The following VGF variants were observed in gnomAD, a reference collection of about 807,000 sequenced individuals.
VGF encodes the protein neurosecretory protein VGF.
Under a neutral mutation model 41.1 loss-of-function variants are expected in VGF, and 13 were observed. The ratio of observed to expected loss-of-function variants is 0.32; its 90% confidence interval spans 0.21 to 0.50. The LOEUF is 0.50. Among genes scored for constraint, VGF ranks in the 20% least tolerant of loss-of-function variants. The probability of loss-of-function intolerance (pLI) is 0.98; values close to 1 mark genes in which losing one functional copy is unlikely to be tolerated. For missense variants in VGF, 920 were observed against 882.1 expected (o/e 1.04, Z -0.54); for synonymous variants, 473 against 418.3 (o/e 1.13, Z -1.60).
At chr7:101,168,018 TG>T (rs200343709), upstream of VGF, among the ~76,000 whole-genome samples, 4,951 of 84,004 alleles carry the variant, frequency 0.059, 211 homozygotes, top group South Asian at 0.19. Flanking sequence ...TGTTTTTTTT[TG>T]TTTTTTTTTT....
In VGF at chr7:101,163,285, A is replaced by G. The variant is rs1251292001; in HGVS notation, c.1559T>C (p.Leu520Pro). 1 of 1,411,684 alleles carries G rather than the reference A, an allele frequency of 7.1e-7. No individual in the cohort carries two copies. Among genetic ancestry groups the G allele is most frequent in the Admixed American group, 2.5e-5 (1 of 39,920 alleles). The allele number at this position is 1,411,684 out of a possible 1,614,324, so 87.4% of individuals were successfully genotyped here. A position where few individuals can be genotyped will look rare whatever the true frequency, so the allele number is the denominator to read the frequency against. ...PPAPAPARDE[L>P]PDWNEVLPPW... Reference sequence around the variant, plus strand: ...CGGGAGCACCTCGTTCCAGTCCGGCAGCTCGTCTCGTGCGGGAGCGGGGGC... The same window carrying G: ...CGGGAGCACCTCGTTCCAGTCCGGCGGCTCGTCTCGTGCGGGAGCGGGGGC... Residue 520 changes from leucine (L) to proline (P), a missense_variant, in exon 2 of 2, where the codon CTG (leucine) becomes CCG (proline). By Grantham distance (98) the Leu-to-Pro change is moderately conservative. Around this residue, in one of 3 missense-constraint regions of VGF, gnomAD observed 257 missense variants for 217.2 expected, o/e 1.18. Coordinates refer to ENST00000249330, the MANE Select transcript of VGF (RefSeq NM_003378.4). The surrounding 1 kb of genome is among the most constrained non-coding windows in gnomAD (Gnocchi z 5.0).
rs1448655538 is a variant in VGF, at chr7:101,163,129, G to A, written c.1715C>T (p.Pro572Leu). The A allele has an allele frequency of 2.5e-6, 4 of 1,584,616 alleles. No individual in the cohort carries two copies. The highest frequency in any genetic ancestry group is 1.8e-5 in the Admixed American group (1 of 56,780). ...CTCCCGGCCGGGATAGTGGCGCGAAGGCGGCAAGGCGTGGTGGTAGTGGCG... is the reference window on the plus strand; with the variant it reads ...CTCCCGGCCGGGATAGTGGCGCGAAAGCGGCAAGGCGTGGTGGTAGTGGCG... Reference protein sequence around the residue: ...RRRHYHHALPPSRHYPGREAQ... With the variant: ...RRRHYHHALPLSRHYPGREAQ... Residue 572 changes from proline (P) to leucine (L), a missense_variant, in exon 2 of 2, where the codon CCT (proline) becomes CTT (leucine). Around this residue, in one of 3 missense-constraint regions of VGF, gnomAD observed 257 missense variants for 217.2 expected, o/e 1.18. Transcript: ENST00000249330. The surrounding 1 kb of genome is among the most constrained non-coding windows in gnomAD (Gnocchi z 5.0).
chr7:101,167,425 T>C (rs979827291), upstream of VGF, among the ~76,000 whole-genome samples: 1 of 152,080 alleles, frequency 6.6e-6, no homozygotes, highest in Non-Finnish European at 1.5e-5. The surrounding 1 kb of genome is among the most constrained non-coding windows in gnomAD (Gnocchi z 4.2). Flanking sequence ...AGGCGATGCC[T>C]CCCATCCCCA....
In VGF at chr7:101,164,845, AC is replaced by A; in HGVS notation, c.-3del. 1.3e-6 allele frequency: 2 copies of A among 1,544,652 alleles called. No homozygotes were observed. The highest frequency in any genetic ancestry group is 3.5e-4 in the Middle Eastern group (2 of 5,738). Reference sequence around the variant, plus strand: ...AGCCGACAATCTGAGGGCTTTCATGACCAAGAGGCTGCCGGAGACTGAAAAA... The same window carrying A: ...AGCCGACAATCTGAGGGCTTTCATGACAAGAGGCTGCCGGAGACTGAAAAA... On this transcript the variant is annotated 5_prime_UTR_variant, in exon 2 of 2. Transcript: ENST00000249330.
chr7:101,165,180 C>T, intron 1 of VGF, 194 bp downstream of exon 1: 1 of 1,043,360 alleles, frequency 9.6e-7, no homozygotes, highest in Non-Finnish European at 1.2e-6. Context: ...GCTCCCTCCC[C>T]GTAGGACTCC....
rs756661529 is a variant in VGF at position 101,163,898 on chromosome 7, G to T, written c.946C>A (p.Gln316Lys). 1.4e-5 allele frequency: 20 copies of T among 1,474,080 alleles called. 1 individual carries two copies. The Admixed American group carries it at 3.9e-4, about 29-fold the overall frequency. The allele number at this position is 1,474,080 out of a possible 1,614,324, so 91.3% of individuals were successfully genotyped here. A position where few individuals can be genotyped will look rare whatever the true frequency, so the allele number is the denominator to read the frequency against. ...AGRRQAEATR[Q>K]AAAQEERLAD... ...AGCCGCTCTTCCTGCGCCGCGGCCT[G>T]CCGCGTGGCCTCCGCCTGCCGCCGC... Residue 316 changes from glutamine (Q) to lysine (K), a missense_variant, in exon 2 of 2, where the codon CAG (glutamine) becomes AAG (lysine). This residue lies in a region of VGF where 654 missense variants were observed against 638.4 expected (regional missense o/e 1.02). Transcript: ENST00000249330. This position sits in a 1 kb window ranked among gnomAD's most constrained non-coding sequence, Gnocchi z 5.0.
At position 101,162,916 on chromosome 7, in the gene VGF, A is replaced by G. The variant is rs1490735125; in HGVS notation, c.*80T>C. The G allele has an allele frequency of 4.3e-6, 3 of 691,730 alleles. No homozygotes were observed. The highest frequency in any genetic ancestry group is 7.4e-5 in the East Asian group (2 of 27,108). 42.8% of individuals were successfully genotyped at this position (691,730 alleles called of 1,614,324 possible). A position where few individuals can be genotyped will look rare whatever the true frequency, so the allele number is the denominator to read the frequency against. On this transcript the variant is annotated 3_prime_UTR_variant, in exon 2 of 2. Coordinates refer to ENST00000249330, the MANE Select transcript of VGF (RefSeq NM_003378.4). The surrounding 1 kb of genome is among the most constrained non-coding windows in gnomAD (Gnocchi z 4.2). ...AGGGCCGGGGCGCATGCAAACACCG[A>G]GGGGGAGCGGGCAACACGGAGGGGG...
chr7:101,169,724 C>T (rs190718428), upstream of VGF, among the ~76,000 whole-genome samples: 23 of 152,232 alleles, frequency 1.5e-4, no homozygotes, highest in African/African-American at 5.5e-4. Context: ...TCCACACGCA[C>T]ATAGTAACAT....
In VGF at chr7:101,164,031, G is replaced by C. The variant is rs35907766; in HGVS notation, c.813C>G (p.Gly271=). 3.3e-4 allele frequency: 495 copies of C among 1,483,994 alleles called. 1 individual carries two copies. In the African/African-American group the frequency reaches 6.5e-3, roughly 20 times the overall value. The allele number at this position is 1,483,994 out of a possible 1,614,324, so 91.9% of individuals were successfully genotyped here. The part of the protein sequence containing the change: ...ALAPLSKAYQ[G]VAAPFPKARR... ...GCGCCTTGGGGAACGGGGCGGCCAC[G>C]CCTTGGTACGCCTTGGACAGGGGTG... Residue 271 remains glycine, a synonymous_variant, in exon 2 of 2, where the codon GGC becomes GGG. Coordinates refer to ENST00000249330, the MANE Select transcript of VGF (RefSeq NM_003378.4).
chr7:101,162,897 G>C lies in VGF; in HGVS notation c.*99C>G. On this transcript the variant is annotated 3_prime_UTR_variant, in exon 2 of 2. Transcript: ENST00000249330. The surrounding 1 kb of genome is among the most constrained non-coding windows in gnomAD (Gnocchi z 4.2). Reference sequence around the variant, plus strand: ...AGGGGCAGGGCCAAGGGGCAGGGCCGGGGCGCATGCAAACACCGAGGGGGA... The same window carrying C: ...AGGGGCAGGGCCAAGGGGCAGGGCCCGGGCGCATGCAAACACCGAGGGGGA... The C allele has an allele frequency of 1.4e-6, 1 of 698,848 alleles. No individual in the cohort carries two copies. The highest frequency in any genetic ancestry group is 2.3e-6 in the Non-Finnish European group (1 of 437,580). 43.3% of individuals were successfully genotyped at this position (698,848 alleles called of 1,614,324 possible). A position where few individuals can be genotyped will look rare whatever the true frequency, so the allele number is the denominator to read the frequency against.
In VGF at chr7:101,162,994, A is replaced by T; in HGVS notation, c.*2T>A. 1.4e-6 allele frequency: 2 copies of T among 1,388,224 alleles called. No homozygotes were observed. The highest frequency in any genetic ancestry group is 1.9e-6 in the Non-Finnish European group (2 of 1,057,038). The allele number at this position is 1,388,224 out of a possible 1,614,324, so 86.0% of individuals were successfully genotyped here. On this transcript the variant is annotated 3_prime_UTR_variant, in exon 2 of 2. Coordinates refer to ENST00000249330, the MANE Select transcript of VGF (RefSeq NM_003378.4). This position sits in a 1 kb window ranked among gnomAD's most constrained non-coding sequence, Gnocchi z 4.2. ...GCGCGGGGGCGGGACCGGGAAGGGCAGTCACGGGCGCCGGAGCAGCACGTG... is the reference window on the plus strand; with the variant it reads ...GCGCGGGGGCGGGACCGGGAAGGGCTGTCACGGGCGCCGGAGCAGCACGTG...
rs1381293401 is a variant in VGF at position 101,164,233 on chromosome 7, C to T, written c.611G>A (p.Arg204His). The T allele has an allele frequency of 6.3e-7, 1 of 1,578,052 alleles. No individual in the cohort carries two copies. Among genetic ancestry groups the T allele is most frequent in the Non-Finnish European group, 8.6e-7 (1 of 1,164,284 alleles). The change falls in exon 2 of 2, where the codon CGC becomes CAC. Residue 204 changes from arginine to histidine, a missense_variant. This residue lies in a region of VGF where 654 missense variants were observed against 638.4 expected (regional missense o/e 1.02). Transcript: ENST00000249330. ...RVNLESPGPERVWRASWGEFQ... is the reference protein window; with the variant it reads ...RVNLESPGPEHVWRASWGEFQ... ...CTCTCCCCAGGAAGCGCGCCATACG[C>T]GCTCTGGCCCCGGGCTCTCCAGATT...
Position 101,162,972 on chromosome 7 carries a change from C to CG in VGF, c.*23dup. Reference sequence around the variant, plus strand: ...GGCGCGCGCGCGCGGCGGGGGCGCGCGGGGGCGGGACCGGGAAGGGCAGTC... The same window carrying CG: ...GGCGCGCGCGCGCGGCGGGGGCGCGCGGGGGGCGGGACCGGGAAGGGCAGTC... On this transcript the variant is annotated 3_prime_UTR_variant, in exon 2 of 2. Transcript: ENST00000249330. The surrounding 1 kb of genome is among the most constrained non-coding windows in gnomAD (Gnocchi z 4.2). 1.6e-6 allele frequency: 2 copies of CG among 1,220,366 alleles called. No individual in the cohort carries two copies. The highest frequency in any genetic ancestry group is 1.0e-6 in the Non-Finnish European group (1 of 953,848). The allele number at this position is 1,220,366 out of a possible 1,614,324, so 75.6% of individuals were successfully genotyped here. A position where few individuals can be genotyped will look rare whatever the true frequency, so the allele number is the denominator to read the frequency against.
upstream of VGF, among the ~76,000 whole-genome samples, chr7:101,167,406 G>C (rs991337671): frequency 1.3e-5 from 2 of 152,140 alleles, no homozygotes; most frequent in Admixed American, 1.3e-4. The surrounding 1 kb of genome is among the most constrained non-coding windows in gnomAD (Gnocchi z 4.2). Flanking sequence ...GAGGGGGTAG[G>C]AGACCCCGAG....
Position 101,164,236 on chromosome 7 carries a change from T to C in VGF, c.608A>G (p.Glu203Gly), listed in dbSNP as rs758940092. ...TRVNLESPGPERVWRASWGEF... is the reference protein window; with the variant it reads ...TRVNLESPGPGRVWRASWGEF... Reference sequence around the variant, plus strand: ...TCCCCAGGAAGCGCGCCATACGCGCTCTGGCCCCGGGCTCTCCAGATTCAC... The same window carrying C: ...TCCCCAGGAAGCGCGCCATACGCGCCCTGGCCCCGGGCTCTCCAGATTCAC... Residue 203 changes from glutamate to glycine, a missense_variant, in exon 2 of 2, where the codon GAG (glutamate) becomes GGG (glycine). Physicochemically the swap from Glu to Gly is moderately conservative, Grantham distance 98 (BLOSUM62 -2). Transcript: ENST00000249330. 3.2e-6 allele frequency: 5 copies of C among 1,580,876 alleles called. No individual in the cohort carries two copies. In the East Asian group the frequency reaches 1.1e-4, roughly 36 times the overall value.
chr7:101,166,563 G>C (rs1335120101), upstream of VGF, among the ~76,000 whole-genome samples: 4 of 150,564 alleles, frequency 2.7e-5, no homozygotes, highest in African/African-American at 9.8e-5. Flanking sequence ...TTAAAGGGAA[G>C]GTTTGAACGC....
chr7:101,167,818 T>C (rs2116714554), upstream of VGF, among the ~76,000 whole-genome samples: 2 of 150,356 alleles, frequency 1.3e-5, no homozygotes, highest in South Asian at 4.2e-4. This position sits in a 1 kb window ranked among gnomAD's most constrained non-coding sequence, Gnocchi z 4.2. Flanking sequence ...ATGAGATACA[T>C]GGCCGGGGCG....
chr7:101,163,168 G>T lies in VGF; in HGVS notation c.1676C>A (p.Ser559Ter). The T allele has an allele frequency of 6.4e-7, 1 of 1,566,324 alleles. No individual in the cohort carries two copies. Among genetic ancestry groups the T allele is most frequent in the South Asian group, 1.2e-5 (1 of 84,474 alleles). The change falls in exon 2 of 2, where the codon TCG becomes TAG. Residue 559 changes from serine to a stop codon, truncating the protein, a stop_gained. Coordinates refer to ENST00000249330, the MANE Select transcript of VGF (RefSeq NM_003378.4). LOFTEE classifies it high-confidence loss of function. The surrounding 1 kb of genome is among the most constrained non-coding windows in gnomAD (Gnocchi z 5.0). ...YIRPRTLQPP[S>*]ALRRRHYHHA... ...GTGGTAGTGGCGGCGGCGCAAGGCC[G>T]AGGGCGGCTGCAGTGTCCGCGGCCG...
Position 101,162,942 on chromosome 7 carries a change from G to C in VGF, c.*54C>G, listed in dbSNP as rs1367644777. The C allele has an allele frequency of 3.4e-6, 3 of 880,078 alleles. No individual in the cohort carries two copies. Among genetic ancestry groups the C allele is most frequent in the East Asian group, 6.9e-5 (2 of 28,968 alleles). 54.5% of individuals were successfully genotyped at this position (880,078 alleles called of 1,614,324 possible). A position where few individuals can be genotyped will look rare whatever the true frequency, so the allele number is the denominator to read the frequency against. Reference sequence around the variant, plus strand: ...GGGGGAGCGGGCAACACGGAGGGGGGCGCCGGCGCGCGCGCGCGGCGGGGG... The same window carrying C: ...GGGGGAGCGGGCAACACGGAGGGGGCCGCCGGCGCGCGCGCGCGGCGGGGG... On this transcript the variant is annotated 3_prime_UTR_variant, in exon 2 of 2. Coordinates refer to ENST00000249330, the MANE Select transcript of VGF (RefSeq NM_003378.4). This position sits in a 1 kb window ranked among gnomAD's most constrained non-coding sequence, Gnocchi z 4.2.
Sources: gnomAD v4.1 joint callset for allele counts (sites outside exome capture counted in the v4.1 genomes callset) on GRCh38, gnomAD v4.1.1 for gene constraint, gnomAD v4.1.1 regional missense constraint, Gnocchi (gnomAD v3.1) non-coding constraint, MANE v1.5 for transcripts, NCBI Gene and HGNC (gene_info 2026-07-23, HGNC 2026-07-21) for gene names.